Variants in MIPEP observed in about 807,000 individuals in gnomAD.
MIPEP encodes the protein mitochondrial intermediate peptidase.
MIPEP carries 79 observed loss-of-function variants against 90.3 expected under a neutral mutation model. The observed-to-expected ratio is 0.87, with a 90% CI of 0.73 to 1.05. The LOEUF is 1.05. MIPEP is among the 50% of genes least tolerant of loss of function. The pLI, the probability that MIPEP is intolerant of heterozygous loss-of-function variation, is 0.00. For synonymous variants in MIPEP, 334 were observed against 315.8 expected, an observed-to-expected ratio of 1.06 and a Z score of -0.61; for missense variants, 940 against 905.6, an observed-to-expected ratio of 1.04 and a Z score of -0.49.
intron 18 of MIPEP, 178 bp downstream of exon 18, chr13:23,756,367 C>A (rs1952490893): frequency 1.2e-5 from 7 of 580,236 alleles, no homozygotes; most frequent in South Asian, 1.1e-4. Context: ...GTTGGCCAGG[C>A]TGGTCTCGAA....
intron 2 of MIPEP, among the ~76,000 whole-genome samples, chr13:23,884,136 C>T (rs1593211431): frequency 6.6e-6 from 1 of 151,404 alleles, no homozygotes; most frequent in African/African-American, 2.4e-5. Context: ...CAAAGGTATA[C>T]AGGATTCCAC....
At chr13:23,785,672 A>C (rs1249872425) in intron 16 of MIPEP, among the ~76,000 whole-genome samples, 1 of 152,026 alleles carries the variant, frequency 6.6e-6, no homozygotes, top group Non-Finnish European at 1.5e-5. Flanking sequence ...AAAAAAGAAA[A>C]AAAGGGTGTA....
chr13:23,785,480 T>G (rs1471806518), intron 16 of MIPEP, among the ~76,000 whole-genome samples: 6 of 90,402 alleles, frequency 6.6e-5, no homozygotes, highest in African/African-American at 1.3e-4. Flanking sequence ...TGTCTTGGGG[T>G]TGGGGGAGGG....
At chr13:23,852,132 G>A (rs1200165762) in intron 10 of MIPEP, among the ~76,000 whole-genome samples, 1 of 152,184 alleles carries the variant, frequency 6.6e-6, no homozygotes, top group Non-Finnish European at 1.5e-5. Flanking sequence ...ATGAGGCATG[G>A]GGAATTGCTC....
At chr13:23,775,414 G>A (rs549601532) in intron 16 of MIPEP, among the ~76,000 whole-genome samples, 1 of 152,198 alleles carries the variant, frequency 6.6e-6, no homozygotes, top group South Asian at 2.1e-4. Flanking sequence ...TTAGGCTGGG[G>A]ATCAGCATTG....
intron 16 of MIPEP, among the ~76,000 whole-genome samples, chr13:23,804,728 T>C (rs1953086502): frequency 6.6e-6 from 1 of 152,220 alleles, no homozygotes; most frequent in South Asian, 2.1e-4. Context: ...CCATGCATAT[T>C]TGAGCATTAG....
chr13:23,820,970 C>T (rs1193024595), intron 14 of MIPEP, among the ~76,000 whole-genome samples: 1 of 152,220 alleles, frequency 6.6e-6, no homozygotes, highest in Non-Finnish European at 1.5e-5. Flanking sequence ...TAGCCAGCAT[C>T]CAACACTGCC....
chr13:23,869,232 C>T, intron 7 of MIPEP, 60 bp downstream of exon 7: 19 of 1,417,070 alleles, frequency 1.3e-5, no homozygotes, highest in Non-Finnish European at 1.8e-5. Flanking sequence ...TATTTAAAAT[C>T]AAAAGCTCAG....
intron 18 of MIPEP, among the ~76,000 whole-genome samples, chr13:23,753,530 A>G (rs1952462652): frequency 6.6e-6 from 1 of 152,218 alleles, no homozygotes; most frequent in Non-Finnish European, 1.5e-5. Flanking sequence ...CACTCTATGT[A>G]AAGTTAAGTA....
At chr13:23,844,890 G>A (rs1442080860) in intron 10 of MIPEP, among the ~76,000 whole-genome samples, 2 of 151,994 alleles carry the variant, frequency 1.3e-5, no homozygotes, top group Admixed American at 1.3e-4. Flanking sequence ...TAAAATGATT[G>A]GGAACAAATG....
intron 14 of MIPEP, among the ~76,000 whole-genome samples, chr13:23,818,524 C>A (rs1320966409): frequency 1.3e-5 from 2 of 152,098 alleles, no homozygotes; most frequent in African/African-American, 4.8e-5. Context: ...GTCCCTGGAA[C>A]CAGAATAGGT....
intron 6 of MIPEP, 99 bp downstream of exon 6, chr13:23,869,914 G>T: frequency 1.0e-6 from 1 of 964,426 alleles, no homozygotes; most frequent in Non-Finnish European, 1.4e-6. Context: ...ATGCTAAAAA[G>T]TTTTTAAGGA....
intron 14 of MIPEP, among the ~76,000 whole-genome samples, chr13:23,825,114 A>G: frequency 6.6e-6 from 1 of 152,226 alleles, no homozygotes; most frequent in East Asian, 1.9e-4. Flanking sequence ...ATAAAGGAGC[A>G]GAAAAGTCTC....
chr13:23,801,468 T>A (rs1338434853), intron 16 of MIPEP, among the ~76,000 whole-genome samples: 1 of 152,194 alleles, frequency 6.6e-6, no homozygotes. Flanking sequence ...GTGTTTTCTA[T>A]CTACCAAGAC....
chr13:23,862,258 G>A (rs931183681), intron 9 of MIPEP, 44 bp downstream of exon 9: 4 of 1,156,872 alleles, frequency 3.5e-6, no homozygotes, highest in Admixed American at 4.2e-5. Context: ...GATTTCAGTT[G>A]ACAGACTGTC....
intron 5 of MIPEP, among the ~76,000 whole-genome samples, chr13:23,874,153 G>C (rs1870953929): frequency 6.6e-6 from 1 of 152,164 alleles, no homozygotes; most frequent in Non-Finnish European, 1.5e-5. Context: ...TAATAGTCTA[G>C]ACTGCAGGTG....
intron 15 of MIPEP, among the ~76,000 whole-genome samples, chr13:23,806,964 G>T (rs540653214): frequency 6.6e-6 from 1 of 152,100 alleles, no homozygotes; most frequent in East Asian, 1.9e-4. Flanking sequence ...GCAGCATCTC[G>T]TGAGTATAGA....
At chr13:23,735,902 T>A (rs1487315079) in intron 18 of MIPEP, among the ~76,000 whole-genome samples, 3 of 112,538 alleles carry the variant, frequency 2.7e-5, no homozygotes, top group South Asian at 5.8e-4. Flanking sequence ...ACAGAAAATT[T>A]AAAAAAAAAA....
chr13:23,751,679 A>G (rs1200895366), intron 18 of MIPEP, among the ~76,000 whole-genome samples: 1 of 152,206 alleles, frequency 6.6e-6, no homozygotes, highest in African/African-American at 2.4e-5. Flanking sequence ...AGTTGAAGAA[A>G]GAGAGCATAA....
Sources: gnomAD v4.1 joint callset for allele counts (sites outside exome capture counted in the v4.1 genomes callset) on GRCh38, gnomAD v4.1.1 for gene constraint, MANE v1.5 for transcripts, NCBI Gene and HGNC (gene_info 2026-07-23, HGNC 2026-07-21) for gene names.